Variants in SPRR2G observed in about 807,000 individuals in gnomAD.
SPRR2G encodes the protein small proline-rich protein 2G.
In SPRR2G, 1 loss-of-function variant was observed where a neutral mutation model predicts 0.7. The ratio of observed to expected loss-of-function variants is 1.49; its 90% CI spans 0.53 to 7.06. The LOEUF (loss-of-function observed/expected upper bound fraction) is 7.06. Among genes scored for constraint, SPRR2G ranks in the 30% most tolerant of loss-of-function variants. The pLI, the probability that SPRR2G is intolerant of heterozygous loss-of-function variation, is 0.14. For missense variants in SPRR2G, 96 were observed against 88.5 expected (o/e 1.09, Z -0.34); for synonymous variants, 38 against 33.9 (o/e 1.12, Z -0.42).
the SPRR2G span, among the ~76,000 whole-genome samples, chr1:153,193,797 A>G: frequency 3.4e-4 from 52 of 152,192 alleles, no homozygotes; most frequent in African/African-American, 1.2e-3. Flanking sequence ...ACCTGCCTCC[A>G]TATCCCTTTC....
chr1:153,192,112 G>T, the SPRR2G span, among the ~76,000 whole-genome samples: 4 of 152,188 alleles, frequency 2.6e-5, no homozygotes, highest in Non-Finnish European at 5.9e-5. Flanking sequence ...CCATTAGGCT[G>T]ATCTGACGAG....
At chr1:153,182,485 T>C in the SPRR2G span, among the ~76,000 whole-genome samples, 18 of 152,014 alleles carry the variant, frequency 1.2e-4, no homozygotes, top group African/African-American at 4.1e-4. Flanking sequence ...ACCCATCATC[T>C]AGATTTTAAG....
chr1:153,203,202 C>T, the SPRR2G span, among the ~76,000 whole-genome samples: 1 of 152,110 alleles, frequency 6.6e-6, no homozygotes, highest in Non-Finnish European at 1.5e-5. Context: ...AGCCTCCCAT[C>T]CTCAGAGCCC....
At chr1:153,195,388 C>T in the SPRR2G span, among the ~76,000 whole-genome samples, 20 of 152,310 alleles carry the variant, frequency 1.3e-4, 1 homozygote, top group South Asian at 2.5e-3. Context: ...GGCCATGTTT[C>T]GGTCTTCTTT....
chr1:153,154,691 G>C (rs1656546600), upstream of SPRR2G, among the ~76,000 whole-genome samples: 1 of 151,896 alleles, frequency 6.6e-6, no homozygotes. Flanking sequence ...CATGGCATCA[G>C]TTTTCATATC....
chr1:153,173,940 C>T, the SPRR2G span, among the ~76,000 whole-genome samples: 1 of 152,198 alleles, frequency 6.6e-6, no homozygotes, highest in Non-Finnish European at 1.5e-5. Context: ...AGGAAAGATT[C>T]ACTCAGTAAT....
chr1:153,171,872 CTT>C, the SPRR2G span, among the ~76,000 whole-genome samples: 1 of 152,178 alleles, frequency 6.6e-6, no homozygotes, highest in African/African-American at 2.4e-5. Context: ...CAATTCCCCT[CTT>C]GAGCTCTGCC....
In SPRR2G at chr1:153,149,807, T is replaced by C; in HGVS notation, c.*82A>G. 1 of 1,545,336 alleles carries C rather than the reference T, an allele frequency of 6.5e-7. No individual in the cohort carries two copies. The highest frequency in any genetic ancestry group is 8.9e-7 in the Non-Finnish European group (1 of 1,122,516). ...GGAAGATGCAGCCTCCCACTACAGC[T>C]GAAGGGAAGATGATGGAGTCCTGGG... On this transcript the variant is annotated 3_prime_UTR_variant, in exon 2 of 2. Transcript: ENST00000368748.
At chr1:153,181,105 A>T in the SPRR2G span, among the ~76,000 whole-genome samples, 3 of 151,768 alleles carry the variant, frequency 2.0e-5, no homozygotes, top group Admixed American at 1.3e-4. Context: ...GGTGTTTTTG[A>T]TAATCAGAAA....
the SPRR2G span, among the ~76,000 whole-genome samples, chr1:153,188,798 A>C: frequency 6.6e-6 from 1 of 152,078 alleles, no homozygotes; most frequent in Admixed American, 6.5e-5. Flanking sequence ...CAGGACCCTC[A>C]TGGTGTAGGC....
chr1:153,171,317 TA>T, the SPRR2G span, among the ~76,000 whole-genome samples: 197 of 152,060 alleles, frequency 1.3e-3, 1 homozygote, highest in Middle Eastern at 6.8e-3. Context: ...AAAAAGAGAG[TA>T]AATAACAATT....
the SPRR2G span, among the ~76,000 whole-genome samples, chr1:153,199,447 G>A: frequency 6.6e-6 from 1 of 152,210 alleles, no homozygotes; most frequent in African/African-American, 2.4e-5. Flanking sequence ...CTCCACGGGA[G>A]AAAGGTCAGC....
the SPRR2G span, among the ~76,000 whole-genome samples, chr1:153,186,218 T>G: frequency 6.6e-6 from 1 of 152,216 alleles, no homozygotes; most frequent in Non-Finnish European, 1.5e-5. Flanking sequence ...GTTCTGTAGA[T>G]GTCTATTAGG....
chr1:153,179,579 T>A, the SPRR2G span, among the ~76,000 whole-genome samples: 2 of 152,120 alleles, frequency 1.3e-5, no homozygotes, highest in Admixed American at 6.6e-5. Flanking sequence ...AGGATAATAA[T>A]GTTTGAAATA....
chr1:153,155,099 A>G (rs1000171895), upstream of SPRR2G, among the ~76,000 whole-genome samples: 41 of 152,128 alleles, frequency 2.7e-4, no homozygotes, highest in African/African-American at 9.7e-4. Flanking sequence ...TGCTCATTCC[A>G]TGGATCTTAC....
chr1:153,200,869 T>C, the SPRR2G span, among the ~76,000 whole-genome samples: 2 of 151,922 alleles, frequency 1.3e-5, no homozygotes, highest in Non-Finnish European at 2.9e-5. Flanking sequence ...CCAGCTAATT[T>C]GCTAATTTTT....
chr1:153,163,131 A>C, the SPRR2G span, among the ~76,000 whole-genome samples: 1 of 152,344 alleles, frequency 6.6e-6, no homozygotes, highest in South Asian at 2.1e-4. Flanking sequence ...ATCTTGAAGA[A>C]TATACAGTGT....
the SPRR2G span, among the ~76,000 whole-genome samples, chr1:153,159,377 TCTG>T: frequency 6.6e-6 from 1 of 152,194 alleles, no homozygotes; most frequent in African/African-American, 2.4e-5. Context: ...CTCACCTCCA[TCTG>T]AGAACAACTC....
chr1:153,165,662 G>A, the SPRR2G span, among the ~76,000 whole-genome samples: 4 of 152,220 alleles, frequency 2.6e-5, no homozygotes, highest in Non-Finnish European at 4.4e-5. Context: ...TGAGAACACA[G>A]CATGTATTCT....
Sources: gnomAD v4.1 joint callset for allele counts (sites outside exome capture counted in the v4.1 genomes callset) on GRCh38, gnomAD v4.1.1 for gene constraint, MANE v1.5 for transcripts, NCBI Gene and HGNC (gene_info 2026-07-23, HGNC 2026-07-21) for gene names.